Variants in LRRC4C observed in about 807,000 individuals in gnomAD.
LRRC4C encodes leucine rich repeat containing 4C, also known as leucine-rich repeat-containing protein 4C.
In LRRC4C, 5 loss-of-function variants were observed where a neutral mutation model predicts 33.6. The observed-to-expected ratio is 0.15, with a 90% CI of 0.08 to 0.31. LRRC4C has a LOEUF of 0.31. Among genes scored for constraint, LRRC4C ranks in the 10% least tolerant of loss-of-function variants. LRRC4C has a pLI of 1.00. For missense variants in LRRC4C, 560 were observed against 796.7 expected, an observed-to-expected ratio of 0.70 and a Z score of 3.58; for synonymous variants, 329 against 302.0, an observed-to-expected ratio of 1.09 and a Z score of -0.93.
intron 3 of LRRC4C, among the ~76,000 whole-genome samples, chr11:40,389,183 T>A (rs1445728111): frequency 6.6e-6 from 1 of 152,048 alleles, no homozygotes; most frequent in Non-Finnish European, 1.5e-5. Context: ...AAAGGAGATA[T>A]AAATCAGAGA....
intron 4 of LRRC4C, among the ~76,000 whole-genome samples, chr11:40,260,709 A>T (rs1191386364): frequency 6.6e-6 from 1 of 152,138 alleles, no homozygotes; most frequent in African/African-American, 2.4e-5. Context: ...ATCATCAGAA[A>T]ATAACATATG....
chr11:40,147,857 A>G (rs1324633831), intron 5 of LRRC4C, among the ~76,000 whole-genome samples: 2 of 151,954 alleles, frequency 1.3e-5, no homozygotes, highest in Non-Finnish European at 2.9e-5. Flanking sequence ...TATTTAGCCT[A>G]GTATTCATTA....
At chr11:40,464,204 G>A (rs1595826) in intron 3 of LRRC4C, among the ~76,000 whole-genome samples, 6,216 of 151,872 alleles carry the variant, frequency 0.041, 414 homozygotes, top group African/African-American at 0.14. Context: ...ATGATTCAAC[G>A]CATAAACAGA....
intron 1 of LRRC4C, among the ~76,000 whole-genome samples, chr11:41,275,148 C>T (rs1949443949): frequency 1.3e-5 from 2 of 152,158 alleles, no homozygotes; most frequent in African/African-American, 2.4e-5. Context: ...TTGTAAGCTT[C>T]GTGAGGCCTT....
At chr11:40,648,357 C>G (rs947359645) in intron 2 of LRRC4C, 79 bp from the exon 3 acceptor site, 5 of 151,984 alleles carry the variant, frequency 3.3e-5, no homozygotes, top group African/African-American at 1.2e-4. Context: ...ACACCTAGAG[C>G]TCACACTAAA....
At chr11:40,582,550 C>T (rs1958518271) in intron 3 of LRRC4C, among the ~76,000 whole-genome samples, 1 of 135,626 alleles carries the variant, frequency 7.4e-6, no homozygotes, top group Non-Finnish European at 1.5e-5. Context: ...GAATGTCACG[C>T]TTGTTGCCCA....
chr11:40,605,197 G>A (rs184113036), intron 3 of LRRC4C, among the ~76,000 whole-genome samples: 282 of 152,016 alleles, frequency 1.9e-3, no homozygotes, highest in Middle Eastern at 0.017. Flanking sequence ...AGCAAGGGAG[G>A]TGGGGGACAA....
chr11:40,375,409 C>T (rs1478677671), intron 3 of LRRC4C, among the ~76,000 whole-genome samples: 1 of 152,132 alleles, frequency 6.6e-6, no homozygotes, highest in Non-Finnish European at 1.5e-5. Flanking sequence ...ATCAACACGC[C>T]ATCCCTGATA....
At chr11:40,442,513 G>A (rs1161805171) in intron 3 of LRRC4C, among the ~76,000 whole-genome samples, 1 of 152,100 alleles carries the variant, frequency 6.6e-6, no homozygotes, top group Admixed American at 6.6e-5. Flanking sequence ...ATAGAGATAA[G>A]AATCAAATAC....
At chr11:40,365,924 C>T (rs913945868) in intron 3 of LRRC4C, among the ~76,000 whole-genome samples, 4 of 152,004 alleles carry the variant, frequency 2.6e-5, no homozygotes, top group South Asian at 2.1e-4. Context: ...CATATACTGT[C>T]GTGCACACAC....
Position 40,114,301 on chromosome 11 carries a change from T to A in LRRC4C, c.*69A>T. On this transcript the variant is annotated 3_prime_UTR_variant, in exon 7 of 7. Coordinates refer to ENST00000528697, the MANE Select transcript of LRRC4C (RefSeq NM_001258419.2). ...TTTTGAAACAGTAGATTTAGCCCAG[T>A]CATTTGTGTCATTTTTAATAAACTG... 1 of 1,446,554 alleles carries A rather than the reference T, an allele frequency of 6.9e-7. No homozygotes were observed. Among genetic ancestry groups the A allele is most frequent in the South Asian group, 1.5e-5 (1 of 68,358 alleles). 89.6% of individuals were successfully genotyped at this position (1,446,554 alleles called of 1,614,324 possible).
intron 6 of LRRC4C, among the ~76,000 whole-genome samples, chr11:40,121,540 A>G (rs1181987324): frequency 6.6e-6 from 1 of 152,230 alleles, no homozygotes; most frequent in East Asian, 1.9e-4. Flanking sequence ...TGCACTACCC[A>G]TTACAATGTC....
chr11:41,072,027 AT>A (rs1938724572), intron 1 of LRRC4C, among the ~76,000 whole-genome samples: 1 of 152,084 alleles, frequency 6.6e-6, no homozygotes, highest in African/African-American at 2.4e-5. Context: ...ACTTGAATGG[AT>A]GAGGAGTTGC....
At chr11:41,358,725 C>T (rs1001371092) in intron 1 of LRRC4C, among the ~76,000 whole-genome samples, 20 of 152,126 alleles carry the variant, frequency 1.3e-4, no homozygotes, top group African/African-American at 4.6e-4. Flanking sequence ...GGAACACTGA[C>T]AACATCAAAT....
chr11:41,051,520 C>CAAAA lies in LRRC4C; in HGVS notation c.-495-117801_-495-117798dup, dbSNP rs530003573. On this transcript the variant is annotated intron_variant, in intron 1 of 6. Transcript: ENST00000528697. Reference sequence around the variant, plus strand: ...CTCAGTCCCTCCCAGGGTCTCAAGGCAAAAAAAAAAAAAAAAAAAAAAAAA... The same window carrying CAAAA: ...CTCAGTCCCTCCCAGGGTCTCAAGGCAAAAAAAAAAAAAAAAAAAAAAAAAAAAA... 9.1e-4 allele frequency among the ~76,000 whole-genome samples: 55 copies of CAAAA among 60,288 alleles called. 3 individuals carry two copies. Among genetic ancestry groups the CAAAA allele is most frequent in the South Asian group, 1.3e-3 (2 of 1,542 alleles). 39.6% of individuals were successfully genotyped at this position (60,288 alleles called of 152,430 possible).
At chr11:40,711,837 A>C (rs1354625737) in intron 2 of LRRC4C, among the ~76,000 whole-genome samples, 1 of 152,256 alleles carries the variant, frequency 6.6e-6, no homozygotes, top group African/African-American at 2.4e-5. Context: ...AGTTGGAAAC[A>C]TAAATGCATG....
chr11:40,243,722 C>T (rs1455509947), intron 4 of LRRC4C, among the ~76,000 whole-genome samples: 1 of 134,610 alleles, frequency 7.4e-6, no homozygotes, highest in East Asian at 2.1e-4. Flanking sequence ...CAGAGTCTCA[C>T]TCTGTCTCCC....
chr11:40,641,901 A>G lies in LRRC4C; in HGVS notation c.-270+6241T>C, dbSNP rs1278436073. ...AAAGTCATTGTTTATGTGATTCCGCAGTTTCATAGACTTTATCATAAATTG... is the reference window on the plus strand; with the variant it reads ...AAAGTCATTGTTTATGTGATTCCGCGGTTTCATAGACTTTATCATAAATTG... On this transcript the variant is annotated intron_variant, in intron 3 of 6. Transcript: ENST00000528697. Among the ~76,000 whole-genome samples, 5 of 152,308 alleles carry G rather than the reference A, an allele frequency of 3.3e-5. No homozygotes were observed. The East Asian group carries it at 9.6e-4, about 29-fold the overall frequency.
intron 2 of LRRC4C, among the ~76,000 whole-genome samples, chr11:40,750,808 G>GA (rs57426456): frequency 7.9e-4 from 107 of 136,178 alleles, no homozygotes; most frequent in African/African-American, 1.6e-3. Flanking sequence ...ATAATAAAAA[G>GA]AAAAAAAAAA....
Sources: gnomAD v4.1 joint callset for allele counts (sites outside exome capture counted in the v4.1 genomes callset) on GRCh38, gnomAD v4.1.1 for gene constraint, MANE v1.5 for transcripts, NCBI Gene and HGNC (gene_info 2026-07-23, HGNC 2026-07-21) for gene names.